The following TDRD12 variants were observed in gnomAD, a reference collection of about 807,000 sequenced individuals.
TDRD12 encodes the protein putative ATP-dependent RNA helicase TDRD12.
In TDRD12, 158 loss-of-function variants were observed where a neutral mutation model predicts 133.5. The ratio of observed to expected loss-of-function variants is 1.18; its 90% confidence interval spans 1.04 to 1.35. TDRD12 has a LOEUF of 1.35. Among genes scored for constraint, TDRD12 ranks in the 40% most tolerant of loss-of-function variants. The pLI is 0.00. For synonymous variants in TDRD12, 460 were observed against 477.9 expected, an observed-to-expected ratio of 0.96 and a Z score of 0.49; for missense variants, 1,443 against 1,321.3, an observed-to-expected ratio of 1.09 and a Z score of -1.43.
downstream of TDRD12, among the ~76,000 whole-genome samples, chr19:32,822,606 G>C (rs1215954578): frequency 2.0e-5 from 3 of 151,666 alleles, no homozygotes; most frequent in African/African-American, 7.3e-5. Flanking sequence ...AATTAGCCAG[G>C]CGTGGTGGTG....
chr19:32,730,876 A>G (rs8109769), intron 1 of TDRD12, among the ~76,000 whole-genome samples: 9,795 of 152,168 alleles, frequency 0.064, 545 homozygotes, highest in East Asian at 0.23. Flanking sequence ...TTAACTGAGC[A>G]TTGTGGCGCA....
At chr19:32,790,236 A>G (rs1231909318) in intron 11 of TDRD12, among the ~76,000 whole-genome samples, 3 of 152,158 alleles carry the variant, frequency 2.0e-5, no homozygotes, top group Admixed American at 1.3e-4. Context: ...GACAAGTCCT[A>G]TCTGGTCTTG....
At chr19:32,772,151 G>T (rs930195893) in intron 8 of TDRD12, among the ~76,000 whole-genome samples, 5 of 152,188 alleles carry the variant, frequency 3.3e-5, no homozygotes, top group African/African-American at 4.8e-5. Flanking sequence ...TGAGGACTCA[G>T]GCACGTTCTG....
chr19:32,763,238 C>T, intron 8 of TDRD12, among the ~76,000 whole-genome samples: 1 of 152,018 alleles, frequency 6.6e-6, no homozygotes, highest in East Asian at 1.9e-4. Flanking sequence ...CTTTTTCTAC[C>T]ATTTGTGATT....
At chr19:32,751,238 A>T (rs1299166389) in intron 6 of TDRD12, among the ~76,000 whole-genome samples, 1 of 151,808 alleles carries the variant, frequency 6.6e-6, no homozygotes, top group Non-Finnish European at 1.5e-5. Context: ...TTTGCTGAGG[A>T]TAATGGCTTC....
intron 27 of TDRD12, among the ~76,000 whole-genome samples, chr19:32,818,701 C>T (rs1230746574): frequency 6.6e-6 from 1 of 152,134 alleles, no homozygotes; most frequent in African/African-American, 2.4e-5. Context: ...CGGGGGTGAG[C>T]CCTGGTGCCT....
At position 32,813,777 on chromosome 19, in the gene TDRD12, G is replaced by GT. The variant is rs780160789; in HGVS notation, c.3141+2dup. 45 of 1,511,040 alleles carry GT rather than the reference G, an allele frequency of 3.0e-5. No individual in the cohort carries two copies. In the South Asian group the frequency reaches 4.3e-4, roughly 14 times the overall value. 93.6% of individuals were successfully genotyped at this position (1,511,040 alleles called of 1,614,324 possible). ...AAATACAGTTTGGATTGATCCAATG[G>GT]TAAGTACGCATTTTTTCTTAGAAAT... On this transcript the variant is annotated splice_donor_variant, in intron 25 of 27. Coordinates refer to ENST00000444215, the Ensembl canonical transcript of TDRD12. LOFTEE classifies it high-confidence loss of function.
At chr19:32,780,618 A>G (rs1389282961) in intron 11 of TDRD12, among the ~76,000 whole-genome samples, 1 of 151,908 alleles carries the variant, frequency 6.6e-6, no homozygotes, top group Non-Finnish European at 1.5e-5. Flanking sequence ...TGTTCTTCCC[A>G]TGACTCCACT....
At chr19:32,769,640 AT>A (rs11330105) in intron 8 of TDRD12, among the ~76,000 whole-genome samples, 27,589 of 147,098 alleles carry the variant, frequency 0.19, 2,499 homozygotes, top group East Asian at 0.28. Flanking sequence ...ATTAATTGTG[AT>A]TTTTTTTTTT....
At chr19:32,786,831 T>G (rs1970921407) in intron 11 of TDRD12, among the ~76,000 whole-genome samples, 1 of 152,194 alleles carries the variant, frequency 6.6e-6, no homozygotes, top group Non-Finnish European at 1.5e-5. Context: ...CATCTGACCT[T>G]TTTTCAAGGT....
intron 3 of TDRD12, 35 bp from the exon 4 acceptor site, chr19:32,742,746 C>G (rs1244185497): frequency 4.6e-6 from 7 of 1,536,296 alleles, no homozygotes; most frequent in Non-Finnish European, 6.1e-6. Flanking sequence ...ATATAATTTT[C>G]TATATAATGG....
chr19:32,799,323 T>C (rs1453298809), intron 16 of TDRD12, among the ~76,000 whole-genome samples: 1 of 152,208 alleles, frequency 6.6e-6, no homozygotes, highest in Admixed American at 6.5e-5. Flanking sequence ...GCATCCTTTC[T>C]GAAAGCATGA....
chr19:32,757,140 G>C lies in TDRD12; in HGVS notation c.865+10G>C. 11 of 1,546,058 alleles carry C rather than the reference G, an allele frequency of 7.1e-6. 1 individual carries two copies. The South Asian group carries it at 1.3e-4, about 18-fold the overall frequency. ...ACAGCCACAGCACAGGGTGAGTTCT[G>C]CTAATGTGGTTTATTTCATAGGCAG... On this transcript the variant is annotated intron_variant, in intron 8 of 27. Transcript: ENST00000444215.
At chr19:32,805,528 G>C (rs1026821086) in intron 21 of TDRD12, among the ~76,000 whole-genome samples, 2 of 151,976 alleles carry the variant, frequency 1.3e-5, no homozygotes, top group Non-Finnish European at 2.9e-5. Flanking sequence ...CGTTTGCCAT[G>C]AGCCAGGTGA....
At chr19:32,763,200 GT>G (rs1180950732) in intron 8 of TDRD12, among the ~76,000 whole-genome samples, 1 of 152,064 alleles carries the variant, frequency 6.6e-6, no homozygotes, top group Non-Finnish European at 1.5e-5. Context: ...TATTGCCCTT[GT>G]TTTTTTGTTC....
At chr19:32,745,077 C>A (rs904721535) in intron 4 of TDRD12, among the ~76,000 whole-genome samples, 23 of 152,366 alleles carry the variant, frequency 1.5e-4, no homozygotes, top group African/African-American at 4.3e-4. Context: ...GCCAGCCCCC[C>A]CCACTACTCA....
chr19:32,763,823 T>G (rs1970218364), intron 8 of TDRD12, among the ~76,000 whole-genome samples: 1 of 152,238 alleles, frequency 6.6e-6, no homozygotes, highest in Non-Finnish European at 1.5e-5. Context: ...AAGTTTATTC[T>G]GGGTTTCTGC....
intron 8 of TDRD12, among the ~76,000 whole-genome samples, chr19:32,766,545 C>A (rs1970301476): frequency 6.6e-6 from 1 of 151,930 alleles, no homozygotes; most frequent in Non-Finnish European, 1.5e-5. Flanking sequence ...TTCCCTTTAC[C>A]CTATTTTTTT....
intron 1 of TDRD12, among the ~76,000 whole-genome samples, chr19:32,724,484 C>G (rs1465676891): frequency 6.6e-6 from 1 of 152,134 alleles, no homozygotes; most frequent in Non-Finnish European, 1.5e-5. Flanking sequence ...GTTTGGTTTT[C>G]TGTTCCAGTG....
Sources: gnomAD v4.1 joint callset for allele counts (sites outside exome capture counted in the v4.1 genomes callset) on GRCh38, gnomAD v4.1.1 for gene constraint, MANE v1.5 for transcripts, NCBI Gene and HGNC (gene_info 2026-07-23, HGNC 2026-07-21) for gene names.